The following PCDH9 variants were observed in gnomAD, a reference collection of about 807,000 sequenced individuals.
PCDH9 encodes the protein protocadherin-9.
Under a neutral mutation model 70.6 loss-of-function variants are expected in PCDH9, and 24 were observed. That is an observed-to-expected ratio of 0.34 (90% CI 0.25 to 0.48). The LOEUF (loss-of-function observed/expected upper bound fraction) is 0.48, where lower values mean the gene tolerates loss of function less well. Among genes scored for constraint, PCDH9 ranks in the 20% least tolerant of loss-of-function variants. The pLI, the probability that PCDH9 is intolerant of heterozygous loss-of-function variation, is 0.99. For missense variants in PCDH9, 1,281 were observed against 1,503.6 expected (o/e 0.85, Z 2.45); for synonymous variants, 562 against 558.5 (o/e 1.01, Z -0.09).
At chr13:66,657,551 A>G (rs2077949002) in intron 3 of PCDH9, among the ~76,000 whole-genome samples, 1 of 152,208 alleles carries the variant, frequency 6.6e-6, no homozygotes, top group South Asian at 2.1e-4. Flanking sequence ...TGTGACTTTA[A>G]ACAAAAATTC....
intron 2 of PCDH9, among the ~76,000 whole-genome samples, chr13:67,139,157 A>C (rs934917514): frequency 6.6e-6 from 1 of 152,206 alleles, no homozygotes; most frequent in African/African-American, 2.4e-5. Context: ...AATTCTGTCA[A>C]ATCACCCAAG....
intron 2 of PCDH9, among the ~76,000 whole-genome samples, chr13:66,971,976 T>A (rs2083530855): frequency 6.6e-6 from 1 of 151,904 alleles, no homozygotes; most frequent in South Asian, 2.1e-4. Flanking sequence ...CTTAATATAA[T>A]TAATGTTATT....
At chr13:66,934,593 G>C (rs2082877091) in intron 2 of PCDH9, among the ~76,000 whole-genome samples, 1 of 123,432 alleles carries the variant, frequency 8.1e-6, no homozygotes, top group Non-Finnish European at 1.8e-5. Flanking sequence ...TGAAGCATAG[G>C]AACAAAAAGC....
chr13:66,779,873 A>ACG lies in PCDH9; in HGVS notation c.3138+123630_3138+123631insCG, dbSNP rs1555268249. Among the ~76,000 whole-genome samples the ACG allele has an allele frequency of 1.6e-4, 19 of 115,878 alleles. 1 individual carries two copies. Among genetic ancestry groups the ACG allele is most frequent in the African/African-American group, 6.1e-4 (18 of 29,582 alleles). 76.0% of individuals were successfully genotyped at this position (115,878 alleles called of 152,430 possible). A position where few individuals can be genotyped will look rare whatever the true frequency, so the allele number is the denominator to read the frequency against. On this transcript the variant is annotated intron_variant, in intron 3 of 4. Transcript: ENST00000377865. ...TCTATATATATATATATATACATAT[A>ACG]TGTGTGTGTGTGTGTGTGTGTGTGT...
intron 2 of PCDH9, among the ~76,000 whole-genome samples, chr13:67,110,824 C>G (rs781735656): frequency 1.1e-4 from 16 of 152,126 alleles, no homozygotes; most frequent in Non-Finnish European, 1.0e-4. Flanking sequence ...TTTGTATTAT[C>G]CACCTATAAA....
intron 3 of PCDH9, among the ~76,000 whole-genome samples, chr13:66,656,187 T>C (rs1001289485): frequency 2.6e-5 from 4 of 151,462 alleles, no homozygotes; most frequent in African/African-American, 9.7e-5. Context: ...TTTTCTTGGC[T>C]GAGCCTGTTA....
At chr13:66,699,191 G>GT (rs1566513250) in intron 3 of PCDH9, among the ~76,000 whole-genome samples, 2 of 152,078 alleles carry the variant, frequency 1.3e-5, no homozygotes, top group Admixed American at 1.3e-4. Context: ...TGGGATTACA[G>GT]GTGTGAGCCA....
At chr13:66,473,204 A>G (rs267325) in intron 4 of PCDH9, among the ~76,000 whole-genome samples, 2,509 of 152,166 alleles carry the variant, frequency 0.016, 70 homozygotes, top group African/African-American at 0.057. Flanking sequence ...TATTATCTGT[A>G]TGACAATTTT....
chr13:66,670,390 G>T (rs956231692), intron 3 of PCDH9, among the ~76,000 whole-genome samples: 1 of 152,108 alleles, frequency 6.6e-6, no homozygotes, highest in African/African-American at 2.4e-5. Context: ...ATGGCATAGA[G>T]TATTTAGTCA....
chr13:66,460,749 C>G (rs771838497), intron 4 of PCDH9, among the ~76,000 whole-genome samples: 2 of 151,658 alleles, frequency 1.3e-5, no homozygotes, highest in South Asian at 4.2e-4. Flanking sequence ...GTGACAGAGA[C>G]GAAGAGCTAT....
intron 3 of PCDH9, among the ~76,000 whole-genome samples, chr13:66,893,766 T>C (rs1315591618): frequency 6.6e-6 from 1 of 152,138 alleles, no homozygotes; most frequent in African/African-American, 2.4e-5. Flanking sequence ...TAACCTAATA[T>C]GTTTTATTCT....
chr13:67,170,477 C>A (rs2088250147), intron 2 of PCDH9, among the ~76,000 whole-genome samples: 1 of 152,018 alleles, frequency 6.6e-6, no homozygotes, highest in African/African-American at 2.4e-5. Flanking sequence ...AAAACATGAC[C>A]AGAAGTATAA....
At chr13:66,397,425 T>G (rs948012362) in intron 4 of PCDH9, among the ~76,000 whole-genome samples, 1 of 148,576 alleles carries the variant, frequency 6.7e-6, no homozygotes, top group Non-Finnish European at 1.5e-5. Flanking sequence ...TCGATATATA[T>G]GTGTGTGTAT....
chr13:67,047,182 C>T (rs2085239241), intron 2 of PCDH9, among the ~76,000 whole-genome samples: 1 of 152,118 alleles, frequency 6.6e-6, no homozygotes, highest in Admixed American at 6.6e-5. Context: ...TCTGAACACC[C>T]ACTCTAATGC....
intron 2 of PCDH9, among the ~76,000 whole-genome samples, chr13:66,971,592 AGGTTTATAT>A (rs1949131619): frequency 2.0e-5 from 3 of 151,946 alleles, no homozygotes; most frequent in Admixed American, 2.0e-4. Flanking sequence ...TGCTTGTGTA[AGGTTTATAT>A]GGTGTCTCTT....
At chr13:66,941,420 T>TA in intron 2 of PCDH9, among the ~76,000 whole-genome samples, 1 of 151,904 alleles carries the variant, frequency 6.6e-6, no homozygotes, top group East Asian at 1.9e-4. Context: ...GAATAACATT[T>TA]ATGTAAATGG....
chr13:66,325,068 A>G (rs1955819195), intron 4 of PCDH9, among the ~76,000 whole-genome samples: 1 of 152,024 alleles, frequency 6.6e-6, no homozygotes. Flanking sequence ...ATCATTTATT[A>G]TAGTAATAAT....
chr13:66,822,111 A>G (rs2080720858), intron 3 of PCDH9, among the ~76,000 whole-genome samples: 1 of 147,180 alleles, frequency 6.8e-6, no homozygotes, highest in African/African-American at 2.5e-5. Context: ...ACAACTATAT[A>G]ATAAGGTTGA....
chr13:67,107,891 C>A (rs368873336), intron 2 of PCDH9, among the ~76,000 whole-genome samples: 1 of 152,192 alleles, frequency 6.6e-6, no homozygotes, highest in East Asian at 1.9e-4. Flanking sequence ...TAGGGTTCTG[C>A]GGTTCCTGGT....
Sources: allele counts gnomAD v4.1 joint callset (sites outside exome capture counted in the v4.1 genomes callset), GRCh38; gene constraint gnomAD v4.1.1; transcripts MANE v1.5; gene names NCBI Gene and HGNC (gene_info 2026-07-23, HGNC 2026-07-21).